Variants in GNL3L observed in about 807,000 individuals in gnomAD.
GNL3L encodes G protein nucleolar 3 like.
GNL3L carries 4 observed loss-of-function variants against 42.9 expected under a neutral mutation model. That is an observed-to-expected ratio of 0.09 (90% CI 0.05 to 0.21). The LOEUF (loss-of-function observed/expected upper bound fraction) is 0.21, where lower values mean the gene tolerates loss of function less well. Ranked by LOEUF, GNL3L falls within the 10% of genes least tolerant of loss-of-function variation. The pLI is 1.00. For missense variants in GNL3L, 412 were observed against 481.7 expected (o/e 0.86, Z 1.36); for synonymous variants, 159 against 176.3 (o/e 0.90, Z 0.78).
intron 16 of GNL3L, among the ~76,000 whole-genome samples, chrX:54,582,290 G>GCT (rs770973191): frequency 1.8e-5 from 2 of 111,591 alleles, no homozygotes; most frequent in Non-Finnish European, 3.8e-5. Flanking sequence ...CTCCCACCAT[G>GCT]GGTAGAAGCT....
intron 9 of GNL3L, among the ~76,000 whole-genome samples, 170 bp from the exon 10 acceptor site, chrX:54,550,793 C>T (rs956012458): frequency 9.0e-6 from 1 of 111,077 alleles, no homozygotes. Flanking sequence ...GGTAGAAAGG[C>T]CCTGTAGGGG....
At chrX:54,633,139 A>G in the GNL3L span, among the ~76,000 whole-genome samples, 1 of 111,718 alleles carries the variant, frequency 9.0e-6, no homozygotes, top group Non-Finnish European at 1.9e-5. Context: ...CACCTGCTAC[A>G]AGTGGAGGAA....
In GNL3L at chrX:54,558,480, G is replaced by A; in HGVS notation, c.1491G>A (p.Gln497=). 1 of 1,209,311 alleles carries A rather than the reference G, an allele frequency of 8.3e-7. No individual in the cohort carries two copies. Among genetic ancestry groups the A allele is most frequent in the Non-Finnish European group, 1.1e-6 (1 of 893,357 alleles). ...ATTGCACCAATCCGAACCGTCATCA[G>A]ATGGGGTGGGCTAAACGCAATGTGG... ...TGYCTNPNRH[Q]MGWAKRNVDH... Residue 497 remains glutamine, a synonymous_variant, in exon 15 of 16, where the codon CAG becomes CAA. Transcript: ENST00000360845.
intron 16 of GNL3L, among the ~76,000 whole-genome samples, chrX:54,600,465 AT>A (rs1925993018): frequency 9.2e-6 from 1 of 108,995 alleles, no homozygotes; most frequent in African/African-American, 3.3e-5. Context: ...ACCTCAGGTG[AT>A]CTGCCTGCCT....
At chrX:54,558,232 C>G (rs777109492) in intron 14 of GNL3L, among the ~76,000 whole-genome samples, 2 of 110,667 alleles carry the variant, frequency 1.8e-5, no homozygotes, top group East Asian at 5.7e-4. Context: ...CCCTTATCCA[C>G]CCCCCATTTG....
chrX:54,556,643 G>C (rs1402803086), intron 14 of GNL3L, among the ~76,000 whole-genome samples: 1 of 110,728 alleles, frequency 9.0e-6, no homozygotes, highest in Non-Finnish European at 1.9e-5. Flanking sequence ...GCCTCCCAAA[G>C]TGTTTGGATT....
intron 1 of GNL3L, among the ~76,000 whole-genome samples, chrX:54,531,643 T>G (rs1037873347): frequency 6.3e-5 from 7 of 111,179 alleles, no homozygotes; most frequent in Non-Finnish European, 9.4e-5. Context: ...CCAGAATAGC[T>G]CACTGCAGGT....
chrX:54,613,664 G>C (rs1926189548), intron 16 of GNL3L, among the ~76,000 whole-genome samples: 1 of 110,890 alleles, frequency 9.0e-6, no homozygotes, highest in African/African-American at 3.3e-5. Context: ...GAAATGCAGT[G>C]ATTGTTGTCT....
Position 54,548,137 on chromosome X carries a change from G to A in GNL3L, c.631-92G>A, listed in dbSNP as rs1051564085. 4.7e-6 allele frequency: 3 copies of A among 642,802 alleles called. No individual in the cohort carries two copies. In the African/African-American group the frequency reaches 6.7e-5, roughly 14 times the overall value. 53.0% of individuals were successfully genotyped at this position (642,802 alleles called of 1,213,427 possible). ...TCCGTTTCAGGCTGAGGAGCTCAGT[G>A]ATCATAGGGAGGCCCTGAAAGTTGG... On this transcript the variant is annotated intron_variant, in intron 8 of 15. Coordinates refer to ENST00000360845, the MANE Select transcript of GNL3L (RefSeq NM_001184819.2).
At chrX:54,616,298 A>AT (rs747427421) in intron 16 of GNL3L, among the ~76,000 whole-genome samples, 157 of 112,232 alleles carry the variant, frequency 1.4e-3, no homozygotes, top group African/African-American at 4.0e-3. Flanking sequence ...GGAAAAACCA[A>AT]TTTTTTTTTA....
chrX:54,615,825 C>T (rs1345106923), intron 16 of GNL3L, among the ~76,000 whole-genome samples: 2 of 110,864 alleles, frequency 1.8e-5, no homozygotes, highest in East Asian at 2.8e-4. Flanking sequence ...CTGCCTCAGC[C>T]TCCCGAGTAG....
At chrX:54,589,966 G>C (rs1028333644) in intron 16 of GNL3L, among the ~76,000 whole-genome samples, 2 of 109,385 alleles carry the variant, frequency 1.8e-5, no homozygotes, top group African/African-American at 6.7e-5. Flanking sequence ...TTGAGACAGA[G>C]TCTTGCTCTG....
Position 54,551,032 on chromosome X carries a change from C to T in GNL3L, c.845C>T (p.Ala282Val). ...LKRSRACSVG[A>V]VPGITKFMQE... is the part of the protein sequence containing the mutation. ...CGCAGCCGCGCATGCAGCGTGGGAG[C>T]TGTTCCTGGAATTACCAAGTAAGCA... The change falls in exon 10 of 16, where the codon GCT becomes GTT. Residue 282 changes from alanine to valine, a missense_variant. By Grantham distance (64) the Ala-to-Val change is moderately conservative. Transcript: ENST00000360845. 1 of 1,114,841 alleles carries T rather than the reference C, an allele frequency of 9.0e-7. No individual in the cohort carries two copies. The highest frequency in any genetic ancestry group is 1.2e-6 in the Non-Finnish European group (1 of 807,073). The allele number at this position is 1,114,841 out of a possible 1,213,427, so 91.9% of individuals were successfully genotyped here.
chrX:54,547,145 T>C (rs56276910), intron 8 of GNL3L, among the ~76,000 whole-genome samples: 36,915 of 105,933 alleles, frequency 0.35, 8,354 homozygotes, highest in African/African-American at 0.8. Context: ...TACAGGTGCG[T>C]GCCACCACAC....
intron 7 of GNL3L, 22 bp downstream of exon 7, chrX:54,543,364 G>A: frequency 8.3e-7 from 1 of 1,205,687 alleles, no homozygotes. Context: ...GCAGGATTGG[G>A]TGTGACAGGG....
chrX:54,554,060 G>A (rs1429617092), intron 13 of GNL3L, among the ~76,000 whole-genome samples: 2 of 111,172 alleles, frequency 1.8e-5, no homozygotes, highest in Non-Finnish European at 3.8e-5. Context: ...GGATCTTGAA[G>A]GGTGAGTAGG....
rs1408285547 is a variant in GNL3L at position 54,605,274 on chromosome X, C to G, written c.*46-15571C>G. On this transcript the variant is annotated intron_variant, in intron 16 of 16. Coordinates refer to the GNL3L transcript ENST00000674498. ...TAATTTTTTATACTTAACCTAGACC[C>G]AAATTCAACTCATGTTTGAACTCTT... Among the ~76,000 whole-genome samples, 83 of 111,912 alleles carry G rather than the reference C, an allele frequency of 7.4e-4. 2 individuals are homozygous for G. The Admixed American group carries it at 7.9e-3, about 11-fold the overall frequency.
chrX:54,532,375 T>C, intron 1 of GNL3L, 145 bp from the exon 2 acceptor site: 1 of 447,980 alleles, frequency 2.2e-6, no homozygotes, highest in Non-Finnish European at 3.9e-6. Context: ...TATGAGGCTT[T>C]AGCTCCAGCT....
intron 16 of GNL3L, among the ~76,000 whole-genome samples, chrX:54,612,218 TTTGTCTGTTATAAGAATAG>T (rs1057195195): frequency 8.0e-5 from 9 of 112,080 alleles, no homozygotes; most frequent in Non-Finnish European, 1.1e-4. Context: ...TAAAATTTGT[TTTGTCTGTTATAAGAATAG>T]CTACCCCTGC....
Sources: gnomAD v4.1 joint callset for allele counts (sites outside exome capture counted in the v4.1 genomes callset) on GRCh38, gnomAD v4.1.1 for gene constraint, MANE v1.5 for transcripts, NCBI Gene and HGNC (gene_info 2026-07-23, HGNC 2026-07-21) for gene names.